The following RNF216 variants were observed in gnomAD, a reference collection of about 807,000 sequenced individuals.
RNF216 encodes ring finger protein 216.
A neutral mutation model predicts 110.8 loss-of-function variants in RNF216; 72 were observed. The ratio of observed to expected loss-of-function variants is 0.65; its 90% confidence interval spans 0.54 to 0.79. The LOEUF is 0.79. Ranked by LOEUF, RNF216 falls within the 30% of genes least tolerant of loss-of-function variation. RNF216 has a pLI of 0.00. For synonymous variants in RNF216, 495 were observed against 407.5 expected (o/e 1.21, Z -2.59); for missense variants, 1,342 against 1,141.2 (o/e 1.18, Z -2.54).
chr7:5,710,998 G>C (rs1025646465), intron 13 of RNF216, among the ~76,000 whole-genome samples: 4 of 152,154 alleles, frequency 2.6e-5, no homozygotes, highest in African/African-American at 4.8e-5. Context: ...CATTAGTTTA[G>C]TTTATTCTTC....
rs1232180835 is a variant in RNF216 at position 5,739,571 on chromosome 7, T to A, written c.1045-219A>T. On this transcript the variant is annotated intron_variant, in intron 4 of 16. Coordinates refer to ENST00000389902, the MANE Select transcript of RNF216 (RefSeq NM_207111.4). ...AGGTCTTGAGAGATCTGGTTCTCTG[T>A]CCCCATTTTACAGATCCATTCTTCA... The A allele has an allele frequency of 6.4e-6, 4 of 629,462 alleles. No homozygotes were observed. In the East Asian group the frequency reaches 1.3e-4, roughly 20 times the overall value. The allele number at this position is 629,462 out of a possible 1,614,324, so 39.0% of individuals were successfully genotyped here.
intron 13 of RNF216, among the ~76,000 whole-genome samples, chr7:5,655,804 T>G (rs1788704248): frequency 6.6e-6 from 1 of 150,416 alleles, no homozygotes; most frequent in Non-Finnish European, 1.5e-5. Context: ...CAGGCACAGC[T>G]AGGCTTTGCT....
In RNF216 at chr7:5,758,794, T is replaced by C. The variant is rs1795777925; in HGVS notation, c.67+2209A>G. ...TTACAGGCTCATAGGTGGAAGGGAC[T>C]AGACTTGTCACAGATAAGACTGGAC... is the stretch of plus-strand genomic sequence containing the variant. On this transcript the variant is annotated intron_variant, in intron 2 of 16. Coordinates refer to ENST00000389902, the MANE Select transcript of RNF216 (RefSeq NM_207111.4). Among the ~76,000 whole-genome samples, 5 of 152,172 alleles carry C rather than the reference T, an allele frequency of 3.3e-5. No homozygotes were observed. The South Asian group carries it at 1.0e-3, about 32-fold the overall frequency.
At chr7:5,663,706 C>A (rs1789310847) in intron 13 of RNF216, among the ~76,000 whole-genome samples, 1 of 150,122 alleles carries the variant, frequency 6.7e-6, no homozygotes, top group African/African-American at 2.5e-5. Context: ...CGAGACCAGC[C>A]TGGCCAACAT....
rs1194684655 is a variant in RNF216 at position 5,680,720 on chromosome 7, A to G, written c.2062-28210T>C. Among the ~76,000 whole-genome samples, 2 of 151,914 alleles carry G rather than the reference A, an allele frequency of 1.3e-5. No homozygotes were observed. Among genetic ancestry groups the G allele is most frequent in the Non-Finnish European group, 1.5e-5 (1 of 67,982 alleles). On this transcript the variant is annotated intron_variant, in intron 13 of 16. Transcript: ENST00000389902. The surrounding 1 kb of genome is among the most constrained non-coding windows in gnomAD (Gnocchi z 4.3). ...CCCAGCACTCAACACTTCTACTTGG[A>G]TATCTAAAAGGCACCCCAGACAAAA...
intron 13 of RNF216, among the ~76,000 whole-genome samples, chr7:5,656,240 G>T (rs943787620): frequency 6.6e-6 from 1 of 152,176 alleles, no homozygotes; most frequent in Non-Finnish European, 1.5e-5. Flanking sequence ...CTGCACTCCA[G>T]CCTGGGCGGC....
chr7:5,757,114 A>G (rs1795684206), intron 2 of RNF216, among the ~76,000 whole-genome samples: 1 of 152,336 alleles, frequency 6.6e-6, no homozygotes, highest in Non-Finnish European at 1.5e-5. Context: ...TATGTTTATT[A>G]CATTTGTTGA....
chr7:5,681,479 G>C (rs1790646263), intron 13 of RNF216, among the ~76,000 whole-genome samples: 1 of 152,196 alleles, frequency 6.6e-6, no homozygotes, highest in African/African-American at 2.4e-5. Flanking sequence ...CTGACCCAGT[G>C]TGCCTCCCTC....
intron 1 of RNF216, among the ~76,000 whole-genome samples, chr7:5,779,221 C>T (rs1243133724): frequency 1.3e-5 from 2 of 152,180 alleles, no homozygotes; most frequent in African/African-American, 2.4e-5. Context: ...CATCAACTTT[C>T]GATCTGCCTC....
chr7:5,634,637 T>A (rs1231093874), intron 15 of RNF216, among the ~76,000 whole-genome samples: 1 of 152,146 alleles, frequency 6.6e-6, no homozygotes, highest in African/African-American at 2.4e-5. Flanking sequence ...AGCCACCTCC[T>A]CAGGTCAGAC....
chr7:5,705,467 T>C (rs963022925), intron 13 of RNF216, among the ~76,000 whole-genome samples: 7 of 152,210 alleles, frequency 4.6e-5, no homozygotes, highest in Admixed American at 3.9e-4. Flanking sequence ...AGGGCAGTTA[T>C]GGTCCTTATG....
intron 13 of RNF216, among the ~76,000 whole-genome samples, chr7:5,671,053 C>G (rs1789876597): frequency 1.3e-5 from 2 of 152,220 alleles, no homozygotes; most frequent in Admixed American, 1.3e-4. Context: ...ACAAACGATA[C>G]TTTTTTCTTT....
intron 2 of RNF216, among the ~76,000 whole-genome samples, chr7:5,753,837 A>G (rs1383343268): frequency 6.6e-6 from 1 of 152,172 alleles, no homozygotes; most frequent in Non-Finnish European, 1.5e-5. Flanking sequence ...TCTACTAAAA[A>G]TACAAAAATT....
rs1357738752 is a variant in RNF216 at position 5,716,703 on chromosome 7, G to T, written c.1695+13C>A. On this transcript the variant is annotated intron_variant, in intron 10 of 16. Transcript: ENST00000389902. Reference sequence around the variant, plus strand: ...AAAATGCCCAGAATAAACAAGGTGAGATTTCAAACTACCTTTTGATACTGT... The same window carrying T: ...AAAATGCCCAGAATAAACAAGGTGATATTTCAAACTACCTTTTGATACTGT... The T allele has an allele frequency of 6.3e-7, 1 of 1,574,850 alleles. No homozygotes were observed. Among genetic ancestry groups the T allele is most frequent in the African/African-American group, 1.4e-5 (1 of 73,944 alleles).
chr7:5,753,713 T>C (rs536472120), intron 2 of RNF216, among the ~76,000 whole-genome samples: 7 of 152,288 alleles, frequency 4.6e-5, no homozygotes, highest in East Asian at 3.9e-4. Context: ...AAAAAAAGCA[T>C]TGGCCGGGAG....
chr7:5,741,031 CA>C lies in RNF216; in HGVS notation c.985del (p.Trp329GlyfsTer8). ...ESQEPNLENI[W>X]GQEAAEVDQE... ...ATCTACCTCTGCAGCTTCTTGCCCC[CA>C]AATGTTTTCCAAATTGGGCTCTTGA... On this transcript the variant is annotated frameshift_variant, in exon 4 of 17. Transcript: ENST00000389902. LOFTEE classifies it high-confidence loss of function. The C allele has an allele frequency of 6.2e-7, 1 of 1,613,932 alleles. No homozygotes were observed. Among genetic ancestry groups the C allele is most frequent in the Non-Finnish European group, 8.5e-7 (1 of 1,179,956 alleles).
At chr7:5,690,109 A>T (rs1463993531) in intron 13 of RNF216, among the ~76,000 whole-genome samples, 2 of 151,994 alleles carry the variant, frequency 1.3e-5, no homozygotes, top group African/African-American at 4.8e-5. Flanking sequence ...CGGGCGGATC[A>T]CCTGAGGTCA....
At chr7:5,754,207 G>C (rs1465345906) in intron 2 of RNF216, among the ~76,000 whole-genome samples, 1 of 150,996 alleles carries the variant, frequency 6.6e-6, no homozygotes, top group Non-Finnish European at 1.5e-5. Flanking sequence ...CCAGACTGCA[G>C]TACAATGGTG....
At chr7:5,780,421 TCTGAA>T (rs1456669835) in intron 1 of RNF216, 1 of 152,034 alleles carries the variant, frequency 6.6e-6, no homozygotes, top group Non-Finnish European at 1.5e-5. Flanking sequence ...GGAGAACATA[TCTGAA>T]ACGTCTTTTG....
Sources: gnomAD v4.1 joint callset for allele counts (sites outside exome capture counted in the v4.1 genomes callset) on GRCh38, gnomAD v4.1.1 for gene constraint, Gnocchi (gnomAD v3.1) non-coding constraint, MANE v1.5 for transcripts, NCBI Gene and HGNC (gene_info 2026-07-23, HGNC 2026-07-21) for gene names.